The following DLG1 variants were observed in gnomAD, a reference collection of about 807,000 sequenced individuals.
DLG1 encodes discs large MAGUK scaffold protein 1.
A neutral mutation model predicts 123.4 loss-of-function variants in DLG1; 42 were observed. The ratio of observed to expected loss-of-function variants is 0.34; its 90% CI spans 0.27 to 0.44. The LOEUF is 0.44. Among genes scored for constraint, DLG1 ranks in the 20% least tolerant of loss-of-function variants. DLG1 has a pLI of 1.00. For synonymous variants in DLG1, 317 were observed against 356.2 expected (o/e 0.89, Z 1.24); for missense variants, 942 against 1,082.6 (o/e 0.87, Z 1.82).
chr3:197,215,549 C>T (rs1733697145), intron 4 of DLG1, among the ~76,000 whole-genome samples: 1 of 151,856 alleles, frequency 6.6e-6, no homozygotes, highest in African/African-American at 2.4e-5. Context: ...ATTAAAATTA[C>T]CAACTGATTC....
chr3:197,065,592 G>A, intron 21 of DLG1, 116 bp downstream of exon 21: 2 of 983,144 alleles, frequency 2.0e-6, no homozygotes, highest in Middle Eastern at 2.2e-4. Context: ...GAGGATGGAA[G>A]AGTAACTGAT....
chr3:197,154,858 G>A (rs1795655452), intron 5 of DLG1, among the ~76,000 whole-genome samples: 1 of 152,080 alleles, frequency 6.6e-6, no homozygotes, highest in African/African-American at 2.4e-5. Flanking sequence ...GTGAACATGA[G>A]ATAGGACAAG....
At chr3:197,138,568 C>T (rs1786267666) in intron 8 of DLG1, among the ~76,000 whole-genome samples, 177 bp from the exon 9 acceptor site, 1 of 151,458 alleles carries the variant, frequency 6.6e-6, no homozygotes, top group Non-Finnish European at 1.5e-5. Flanking sequence ...TAAACAAATA[C>T]AAACATTTCC....
intron 4 of DLG1, among the ~76,000 whole-genome samples, chr3:197,251,447 A>C (rs1754414123): frequency 6.6e-6 from 1 of 152,200 alleles, no homozygotes; most frequent in Non-Finnish European, 1.5e-5. Flanking sequence ...AAAAACAGAC[A>C]CACAGAAAAG....
chr3:197,052,131 G>A (rs1049222421), intron 23 of DLG1, among the ~76,000 whole-genome samples: 27 of 151,764 alleles, frequency 1.8e-4, no homozygotes, highest in African/African-American at 6.3e-4. Flanking sequence ...GTGAGCCACC[G>A]AGCCCAGCCT....
chr3:197,044,953 G>A (rs1721887770), intron 24 of DLG1, among the ~76,000 whole-genome samples: 1 of 151,992 alleles, frequency 6.6e-6, no homozygotes, highest in Non-Finnish European at 1.5e-5. Flanking sequence ...AGTAAGACTT[G>A]GAGATCTTTT....
rs1455231489 is a variant in DLG1 at position 197,090,767 on chromosome 3, T to C, written c.1661+145A>G. ...ATTCCAATTCTTGAAAGGCACACTG[T>C]CAGAGAGAATCAATAATAAAAAACA... is the stretch of plus-strand genomic sequence containing the variant. On this transcript the variant is annotated intron_variant, in intron 15 of 24. Coordinates refer to ENST00000667157, the MANE Select transcript of DLG1 (RefSeq NM_001366207.1). 1.3e-5 allele frequency: 6 copies of C among 479,048 alleles called. No individual in the cohort carries two copies. The East Asian group carries it at 1.8e-4, about 15-fold the overall frequency. The allele number at this position is 479,048 out of a possible 1,614,324, so 29.7% of individuals were successfully genotyped here.
At chr3:197,093,836 A>G (rs914988256) in intron 14 of DLG1, among the ~76,000 whole-genome samples, 2 of 152,120 alleles carry the variant, frequency 1.3e-5, no homozygotes, top group African/African-American at 4.8e-5. Flanking sequence ...GCTCTTGTAC[A>G]CTGTGACCTT....
intron 5 of DLG1, among the ~76,000 whole-genome samples, chr3:197,182,365 T>C (rs1463589520): frequency 6.6e-6 from 1 of 152,162 alleles, no homozygotes; most frequent in Non-Finnish European, 1.5e-5. Context: ...CCTCAATGCC[T>C]ACATAATGAC....
At chr3:197,169,888 T>G (rs1249532479) in intron 5 of DLG1, among the ~76,000 whole-genome samples, 2 of 152,146 alleles carry the variant, frequency 1.3e-5, no homozygotes, top group Non-Finnish European at 2.9e-5. Context: ...ATTTAGTTAT[T>G]TTTCCGGATC....
At chr3:197,063,489 T>G (rs1737273426) in intron 22 of DLG1, among the ~76,000 whole-genome samples, 1 of 152,162 alleles carries the variant, frequency 6.6e-6, no homozygotes, top group African/African-American at 2.4e-5. Flanking sequence ...GAGCAGAGAT[T>G]TGTATTTTCC....
At chr3:197,294,910 T>A (rs1406069642) in intron 3 of DLG1, among the ~76,000 whole-genome samples, 1 of 151,990 alleles carries the variant, frequency 6.6e-6, no homozygotes. Flanking sequence ...TATACATATA[T>A]GTATATATAT....
chr3:197,213,352 A>G (rs115844170), intron 4 of DLG1, among the ~76,000 whole-genome samples: 1,593 of 152,318 alleles, frequency 0.01, 29 homozygotes, highest in African/African-American at 0.036. Context: ...AAATGTTTGA[A>G]AATGTAAAAT....
chr3:197,156,776 T>C (rs1194402002), intron 5 of DLG1, among the ~76,000 whole-genome samples: 2 of 152,206 alleles, frequency 1.3e-5, no homozygotes, highest in Non-Finnish European at 2.9e-5. Flanking sequence ...ACGCACCTAA[T>C]AGCAGACCAT....
chr3:197,091,169 C>T, intron 14 of DLG1, 143 bp from the exon 15 acceptor site: 1 of 507,374 alleles, frequency 2.0e-6, no homozygotes, highest in Non-Finnish European at 3.4e-6. Flanking sequence ...AGATTTTGCC[C>T]AACACATAAA....
At chr3:197,062,428 GTGT>G in intron 22 of DLG1, among the ~76,000 whole-genome samples, 1 of 152,184 alleles carries the variant, frequency 6.6e-6, no homozygotes, top group Non-Finnish European at 1.5e-5. Context: ...AGGGCCATCT[GTGT>G]TTGTTTATAT....
rs9862836 is a variant in DLG1 at position 197,180,227 on chromosome 3, G to A, written c.483+14198C>T. ...ATTACTACTGACATTAATAAACGTC[G>A]ATATCACTAAGTAAATAAAACTTTT... is the stretch of plus-strand genomic sequence containing the variant. On this transcript the variant is annotated intron_variant, in intron 5 of 24. Coordinates refer to ENST00000667157, the MANE Select transcript of DLG1 (RefSeq NM_001366207.1). 7.6e-4 allele frequency among the ~76,000 whole-genome samples: 116 copies of A among 152,164 alleles called. 1 individual carries two copies. Among genetic ancestry groups the A allele is most frequent in the African/African-American group, 2.6e-3 (106 of 41,506 alleles).
At chr3:197,111,764 G>T (rs902300581) in intron 13 of DLG1, among the ~76,000 whole-genome samples, 1 of 152,162 alleles carries the variant, frequency 6.6e-6, no homozygotes, top group Non-Finnish European at 1.5e-5. Flanking sequence ...TGATTATCAT[G>T]TAACTGGAAT....
At chr3:197,181,288 T>C (rs1711667871) in intron 5 of DLG1, among the ~76,000 whole-genome samples, 1 of 152,206 alleles carries the variant, frequency 6.6e-6, no homozygotes, top group South Asian at 2.1e-4. Context: ...TGTGGCTTAG[T>C]CATATGGAAT....
Sources: allele counts gnomAD v4.1 joint callset (sites outside exome capture counted in the v4.1 genomes callset), GRCh38; gene constraint gnomAD v4.1.1; transcripts MANE v1.5; gene names NCBI Gene and HGNC (gene_info 2026-07-23, HGNC 2026-07-21).